PLCG2: variants seen among roughly 807,000 people sequenced by gnomAD.
The protein encoded by PLCG2 is phospholipase C gamma 2, also known as 1-phosphatidylinositol 4,5-bisphosphate phosphodiesterase gamma-2.
A neutral mutation model predicts 175.6 loss-of-function variants in PLCG2; 69 were observed. That is an observed-to-expected ratio of 0.39 (90% CI 0.32 to 0.48). The LOEUF is 0.48. PLCG2 is among the 20% of genes least tolerant of loss of function. The pLI is 0.91. For synonymous variants in PLCG2, 827 were observed against 624.0 expected, an observed-to-expected ratio of 1.33 and a Z score of -4.85; for missense variants, 1,798 against 1,650.9, an observed-to-expected ratio of 1.09 and a Z score of -1.54.
intron 31 of PLCG2, among the ~76,000 whole-genome samples, chr16:81,951,992 T>C (rs1911384655): frequency 1.3e-5 from 2 of 152,162 alleles, no homozygotes. Flanking sequence ...TTATTGAACG[T>C]AACCACTTCT....
upstream of PLCG2, among the ~76,000 whole-genome samples, chr16:81,776,088 T>TTTCTTTCTTG (rs61683542): frequency 3.1e-3 from 147 of 47,164 alleles, 24 homozygotes; most frequent in Middle Eastern, 0.017. Flanking sequence ...TCTCTCTCTC[T>TTTCTTTCTTG]CTTTCTTTCT....
At chr16:81,783,229 G>T (rs1454764076) in intron 1 of PLCG2, 4 of 450,602 alleles carry the variant, frequency 8.9e-6, no homozygotes, top group Non-Finnish European at 8.9e-6. Context: ...GCATGGCTGG[G>T]AACAGTCAAC....
intron 2 of PLCG2, among the ~76,000 whole-genome samples, chr16:81,765,675 C>T (rs1048703716): frequency 2.4e-4 from 12 of 50,516 alleles, no homozygotes; most frequent in Admixed American, 1.0e-3. Flanking sequence ...CTTTTGACCC[C>T]GGGGTCTCAG....
At chr16:81,779,170 G>A (rs898603878), upstream of PLCG2, 2 of 152,208 alleles carry the variant, frequency 1.3e-5, no homozygotes, top group African/African-American at 4.8e-5. Flanking sequence ...CGCTGCACTC[G>A]GGGTGCGCTC....
At chr16:81,767,485 G>C (rs1353849197) in intron 2 of PLCG2, 3 of 152,122 alleles carry the variant, frequency 2.0e-5, no homozygotes, top group African/African-American at 7.2e-5. Context: ...GCTCAGCTTA[G>C]GGACCGTCAC....
chr16:81,887,220 C>T (rs1027324533), intron 9 of PLCG2, among the ~76,000 whole-genome samples: 13 of 151,766 alleles, frequency 8.6e-5, no homozygotes, highest in African/African-American at 1.5e-4. Context: ...CCTGGGTTCA[C>T]GCCATTCTCC....
chr16:81,804,978 C>G (rs937803187), intron 2 of PLCG2, among the ~76,000 whole-genome samples: 1 of 152,196 alleles, frequency 6.6e-6, no homozygotes, highest in African/African-American at 2.4e-5. Context: ...TCATTACAAT[C>G]TGTCTGTGAG....
chr16:81,803,610 T>G (rs1047588045), intron 2 of PLCG2, among the ~76,000 whole-genome samples: 8 of 150,072 alleles, frequency 5.3e-5, no homozygotes, highest in Non-Finnish European at 8.9e-5. Context: ...TTTTCTTTTC[T>G]TTTCTTTTCC....
At chr16:81,842,713 G>C (rs1905899876) in intron 2 of PLCG2, 1 of 152,410 alleles carries the variant, frequency 6.6e-6, no homozygotes, top group Non-Finnish European at 1.5e-5. Context: ...GCCTGAGAGA[G>C]ACAGAGAATC....
At chr16:81,930,538 A>G (rs2143710701) in intron 24 of PLCG2, among the ~76,000 whole-genome samples, 1 of 152,250 alleles carries the variant, frequency 6.6e-6, no homozygotes, top group Non-Finnish European at 1.5e-5. Flanking sequence ...GCTTGAGCTC[A>G]GGAGTTCGAG....
intron 2 of PLCG2, among the ~76,000 whole-genome samples, chr16:81,768,842 C>T (rs1910212016): frequency 6.6e-6 from 1 of 152,148 alleles, no homozygotes; most frequent in Non-Finnish European, 1.5e-5. Context: ...ACTGGGATTA[C>T]AGGTGTGAGC....
chr16:81,809,099 G>C (rs149024324), intron 2 of PLCG2, among the ~76,000 whole-genome samples: 138 of 152,278 alleles, frequency 9.1e-4, no homozygotes, highest in Admixed American at 1.8e-3. Flanking sequence ...GCCAGGCCTG[G>C]TCTCTCTGAG....
chr16:81,932,311 C>A (rs192299828), intron 25 of PLCG2, among the ~76,000 whole-genome samples: 14 of 152,284 alleles, frequency 9.2e-5, no homozygotes, highest in Non-Finnish European at 1.8e-4. Context: ...GTTTCCTTGT[C>A]TGCAAAATGA....
chr16:81,858,874 C>T (rs1263345547), intron 4 of PLCG2, among the ~76,000 whole-genome samples: 1 of 151,652 alleles, frequency 6.6e-6, no homozygotes, highest in East Asian at 1.9e-4. Flanking sequence ...GATTAAATGA[C>T]TATCATCAGA....
chr16:81,818,452 C>T (rs563179479), intron 2 of PLCG2, among the ~76,000 whole-genome samples: 1 of 152,132 alleles, frequency 6.6e-6, no homozygotes, highest in East Asian at 1.9e-4. Flanking sequence ...CTAGCACATA[C>T]CAGGTAGACC....
At chr16:81,756,366 T>A (rs1567694586) in intron 2 of PLCG2, among the ~76,000 whole-genome samples, 1 of 152,250 alleles carries the variant, frequency 6.6e-6, no homozygotes, top group Non-Finnish European at 1.5e-5. Context: ...CAGCGATCTG[T>A]AAGATTTATC....
intron 2 of PLCG2, among the ~76,000 whole-genome samples, chr16:81,828,533 C>T (rs568637755): frequency 5.3e-5 from 8 of 152,098 alleles, no homozygotes; most frequent in South Asian, 2.1e-4. Context: ...CCACCGCACC[C>T]GGCCGAGAAG....
chr16:81,837,086 G>A (rs1905556853), intron 2 of PLCG2, among the ~76,000 whole-genome samples: 1 of 152,174 alleles, frequency 6.6e-6, no homozygotes, highest in South Asian at 2.1e-4. Flanking sequence ...AGTTAAGGTA[G>A]TTGTCTGTAT....
At chr16:81,809,912 C>A (rs748630980) in intron 2 of PLCG2, among the ~76,000 whole-genome samples, 15 of 152,014 alleles carry the variant, frequency 9.9e-5, no homozygotes, top group Non-Finnish European at 1.9e-4. Context: ...CTGTGTAGCT[C>A]ACAGCATCCA....
Sources: gnomAD v4.1 joint callset for allele counts (sites outside exome capture counted in the v4.1 genomes callset) on GRCh38, gnomAD v4.1.1 for gene constraint, MANE v1.5 for transcripts, NCBI Gene and HGNC (gene_info 2026-07-23, HGNC 2026-07-21) for gene names.